SLC22A24: variants seen among roughly 807,000 people sequenced by gnomAD.
The protein encoded by SLC22A24 is steroid transmembrane transporter SLC22A24.
A neutral mutation model predicts 49.8 loss-of-function variants in SLC22A24; 53 were observed. That is an observed-to-expected ratio of 1.06 (90% confidence interval 0.85 to 1.34). SLC22A24 has a LOEUF of 1.34. SLC22A24 is among the 40% of genes most tolerant of loss of function. The pLI is 0.00. For missense variants in SLC22A24, 786 were observed against 675.9 expected (o/e 1.16, Z -1.81); for synonymous variants, 302 against 256.4 (o/e 1.18, Z -1.70).
At chr11:63,127,033 G>A (rs1024978992) in intron 2 of SLC22A24, among the ~76,000 whole-genome samples, 1 of 152,034 alleles carries the variant, frequency 6.6e-6, no homozygotes, top group Non-Finnish European at 1.5e-5. Context: ...CAATGTGCAG[G>A]TTTGTTACAT....
chr11:63,085,843 G>A lies in SLC22A24; in HGVS notation c.1071-2386C>T, dbSNP rs536014587. 5.9e-5 allele frequency among the ~76,000 whole-genome samples: 9 copies of A among 152,198 alleles called. No individual in the cohort carries two copies. The East Asian group carries it at 1.5e-3, about 26-fold the overall frequency. On this transcript the variant is annotated intron_variant, in intron 6 of 9. Transcript: ENST00000612278. ...GCCAAAACCAATGATTATTCTCCCT[G>A]CAAACATATATGAGCAGAATGCACA...
At chr11:63,122,432 A>G (rs2087258397) in intron 2 of SLC22A24, among the ~76,000 whole-genome samples, 1 of 152,222 alleles carries the variant, frequency 6.6e-6, no homozygotes, top group African/African-American at 2.4e-5. Flanking sequence ...TTGGGCAGCT[A>G]ACTCTCATGA....
intron 2 of SLC22A24, among the ~76,000 whole-genome samples, chr11:63,130,082 T>C (rs1386956226): frequency 6.6e-6 from 1 of 152,236 alleles, no homozygotes; most frequent in African/African-American, 2.4e-5. Context: ...TTCCAGTTTT[T>C]GCCCATTCAG....
intron 9 of SLC22A24, among the ~76,000 whole-genome samples, chr11:63,080,297 T>G (rs1233649775): frequency 6.6e-6 from 1 of 152,214 alleles, no homozygotes; most frequent in Non-Finnish European, 1.5e-5. Context: ...TATTGTCTTA[T>G]TTTTCATCAT....
At chr11:63,135,183 G>T (rs545390001) in intron 1 of SLC22A24, among the ~76,000 whole-genome samples, 2 of 152,038 alleles carry the variant, frequency 1.3e-5, no homozygotes, top group African/African-American at 4.8e-5. Flanking sequence ...TTCTAAGAAG[G>T]CTTCCCTCAT....
At chr11:63,111,046 T>C (rs1435374307) in intron 4 of SLC22A24, among the ~76,000 whole-genome samples, 1 of 151,956 alleles carries the variant, frequency 6.6e-6, no homozygotes, top group Non-Finnish European at 1.5e-5. Context: ...TTATTGAGAG[T>C]TTTTAGCATG....
chr11:63,096,025 A>T lies in SLC22A24; in HGVS notation c.1036T>A (p.Leu346Met). The change falls in exon 6 of 10, where the codon TTG (leucine) becomes ATG (methionine). Residue 346 changes from leucine to methionine, a missense_variant. Leu to Met is a conservative substitution (Grantham distance 15). Coordinates refer to ENST00000612278, the MANE Select transcript of SLC22A24 (RefSeq NM_001136506.2). ...SIFSLFRAPK[L>M]RMRVFGLCFV... ...CACAGGCCGAAGACTCTCATTCGCA[A>T]TTTGGGTGCACGGAACAGGGAAAAA... 1 of 1,550,790 alleles carries T rather than the reference A, an allele frequency of 6.4e-7. No homozygotes were observed. The highest frequency in any genetic ancestry group is 8.7e-7 in the Non-Finnish European group (1 of 1,146,300).
intron 4 of SLC22A24, among the ~76,000 whole-genome samples, chr11:63,113,229 C>T (rs28823623): frequency 0.03 from 349 of 11,714 alleles, 6 homozygotes; most frequent in East Asian, 0.037. Context: ...TATATATATA[C>T]ATATATATAT....
intron 2 of SLC22A24, among the ~76,000 whole-genome samples, chr11:63,120,099 T>C (rs1020773746): frequency 2.8e-4 from 42 of 151,288 alleles, no homozygotes; most frequent in Non-Finnish European, 5.9e-4. Context: ...GTAGTTTCTT[T>C]TGCTGTGCAG....
At chr11:63,086,895 A>G (rs2086989787) in intron 6 of SLC22A24, among the ~76,000 whole-genome samples, 1 of 152,116 alleles carries the variant, frequency 6.6e-6, no homozygotes, top group Non-Finnish European at 1.5e-5. Flanking sequence ...ACAATTTGTT[A>G]AAAAAATATG....
intron 8 of SLC22A24, among the ~76,000 whole-genome samples, 162 bp from the exon 9 acceptor site, chr11:63,081,285 C>T (rs1162182892): frequency 6.6e-6 from 1 of 152,174 alleles, no homozygotes; most frequent in African/African-American, 2.4e-5. Context: ...TTGGTTTCTA[C>T]CTATTTGATA....
intron 4 of SLC22A24, chr11:63,115,913 G>T: frequency 3.3e-6 from 1 of 302,284 alleles, no homozygotes; most frequent in South Asian, 8.7e-5. Context: ...GGGCACCTTT[G>T]GGAGCCTGAG....
intron 6 of SLC22A24, among the ~76,000 whole-genome samples, chr11:63,093,638 A>G (rs2087034375): frequency 6.6e-6 from 1 of 152,182 alleles, no homozygotes; most frequent in East Asian, 1.9e-4. Flanking sequence ...TGGGAGTTAA[A>G]TGATGAGAAC....
At chr11:63,094,590 CCCA>C (rs2087041546) in intron 6 of SLC22A24, among the ~76,000 whole-genome samples, 1 of 152,186 alleles carries the variant, frequency 6.6e-6, no homozygotes. Context: ...AGTTTACAGT[CCCA>C]CCAACAGTGT....
intron 6 of SLC22A24, among the ~76,000 whole-genome samples, chr11:63,084,015 G>A (rs1393694839): frequency 6.6e-6 from 1 of 152,084 alleles, no homozygotes; most frequent in Admixed American, 6.5e-5. Context: ...AAGTGGAGAG[G>A]AATCATAACA....
chr11:63,120,331 A>C (rs11231370), intron 2 of SLC22A24, among the ~76,000 whole-genome samples: 100,188 of 131,902 alleles, frequency 0.76, 40,184 homozygotes, highest in East Asian at 0.9. Context: ...GAGGGATAGC[A>C]TTGGGAGATA....
intron 8 of SLC22A24, 142 bp from the exon 9 acceptor site, chr11:63,081,265 T>C (rs1325928082): frequency 1.4e-6 from 1 of 723,380 alleles, no homozygotes; most frequent in Non-Finnish European, 2.3e-6. Context: ...AATTGTGACA[T>C]TTACCTCTGT....
intron 4 of SLC22A24, among the ~76,000 whole-genome samples, chr11:63,108,174 TG>T (rs1304448063): frequency 7.2e-5 from 11 of 152,206 alleles, no homozygotes; most frequent in African/African-American, 2.7e-4. Context: ...AGGCCTTTTC[TG>T]CATCTATTGA....
intron 4 of SLC22A24, among the ~76,000 whole-genome samples, chr11:63,117,330 C>T (rs1461280577): frequency 6.6e-6 from 1 of 152,198 alleles, no homozygotes; most frequent in Non-Finnish European, 1.5e-5. Flanking sequence ...CACTGAATCT[C>T]TACTTGGTTA....
Sources: allele counts gnomAD v4.1 joint callset (sites outside exome capture counted in the v4.1 genomes callset), GRCh38; gene constraint gnomAD v4.1.1; transcripts MANE v1.5; gene names NCBI Gene and HGNC (gene_info 2026-07-23, HGNC 2026-07-21).